GDAP1: variants seen among roughly 807,000 people sequenced by gnomAD.
The protein encoded by GDAP1 is ganglioside induced differentiation associated protein 1.
A neutral mutation model predicts 40.1 loss-of-function variants in GDAP1; 34 were observed. The observed-to-expected ratio is 0.85, with a 90% confidence interval of 0.64 to 1.13. GDAP1 has a LOEUF of 1.13. Ranked by LOEUF, GDAP1 falls within the 50% of genes most tolerant of loss-of-function variation. The pLI is 0.00. For synonymous variants in GDAP1, 170 were observed against 157.4 expected (o/e 1.08, Z -0.60); for missense variants, 374 against 433.7 (o/e 0.86, Z 1.22).
chr8:74,367,467 C>G (rs6993852), downstream of GDAP1, among the ~76,000 whole-genome samples: 27,193 of 151,774 alleles, frequency 0.18, 2,763 homozygotes, highest in Admixed American at 0.31. Flanking sequence ...CAAAGGGCAA[C>G]AATACTGAAT....
chr8:74,477,763 C>T (rs969874352), intron 2 of GDAP1, among the ~76,000 whole-genome samples: 10 of 152,150 alleles, frequency 6.6e-5, no homozygotes, highest in Non-Finnish European at 8.8e-5. Context: ...TGTCTTCATT[C>T]ACATATACCA....
At chr8:74,443,106 G>A (rs1806182213) in intron 2 of GDAP1, among the ~76,000 whole-genome samples, 1 of 152,182 alleles carries the variant, frequency 6.6e-6, no homozygotes, top group Admixed American at 6.5e-5. Flanking sequence ...TTCCCTATGT[G>A]GACTGAAGGA....
At chr8:74,463,853 G>A (rs952478558) in intron 2 of GDAP1, among the ~76,000 whole-genome samples, 1 of 152,066 alleles carries the variant, frequency 6.6e-6, no homozygotes. Context: ...AGAGTTGGCT[G>A]TATATAAGCA....
At chr8:74,419,097 A>G (rs1477476369) in intron 2 of GDAP1, among the ~76,000 whole-genome samples, 1 of 152,230 alleles carries the variant, frequency 6.6e-6, no homozygotes, top group African/African-American at 2.4e-5. Flanking sequence ...AAGATGGTGT[A>G]GTCACTCTGA....
At chr8:74,401,439 T>C (rs1187155782) in intron 2 of GDAP1, among the ~76,000 whole-genome samples, 2 of 149,956 alleles carry the variant, frequency 1.3e-5, no homozygotes, top group Non-Finnish European at 2.9e-5. Context: ...TTGGTTATTC[T>C]AGTTATACAT....
At chr8:74,474,419 G>C (rs1252119929) in intron 2 of GDAP1, among the ~76,000 whole-genome samples, 1 of 152,098 alleles carries the variant, frequency 6.6e-6, no homozygotes, top group Admixed American at 6.5e-5. Flanking sequence ...GTATGATGTT[G>C]GCTGTGGGTT....
chr8:74,352,012 T>C (rs1459354055), intron 2 of GDAP1, among the ~76,000 whole-genome samples: 1 of 152,240 alleles, frequency 6.6e-6, no homozygotes, highest in East Asian at 1.9e-4. Context: ...CAGCTTGTTA[T>C]GTGTCAGACA....
At position 74,403,691 on chromosome 8, in the gene GDAP1, A is replaced by G. The variant is rs1431557642; in HGVS notation, c.165+52370A>G. On this transcript the variant is annotated intron_variant, in intron 2 of 2. Coordinates refer to the GDAP1 transcript ENST00000523640. Reference sequence around the variant, plus strand: ...ATTTCTGACCTTGCCGGGTCTCTGTAGTGTATGTGTTAGTAACTTTTACAG... The same window carrying G: ...ATTTCTGACCTTGCCGGGTCTCTGTGGTGTATGTGTTAGTAACTTTTACAG... Among the ~76,000 whole-genome samples, 6 of 150,200 alleles carry G rather than the reference A, an allele frequency of 4.0e-5. 1 individual carries two copies. The highest frequency in any genetic ancestry group is 1.5e-4 in the African/African-American group (6 of 39,520).
intron 2 of GDAP1, among the ~76,000 whole-genome samples, chr8:74,385,112 G>A (rs1267901962): frequency 6.6e-6 from 1 of 152,062 alleles, no homozygotes; most frequent in African/African-American, 2.4e-5. Context: ...TCTGCGGTAG[G>A]AATTAGATAT....
In GDAP1 at chr8:74,365,897, T is replaced by C. The variant is rs548673182; in HGVS notation, c.*1530T>C. ...TGAGTGTGTTGTCATATGGAGTGTCTGAATCTGTTGCTGGGACATACCAAT... is the reference window on the plus strand; with the variant it reads ...TGAGTGTGTTGTCATATGGAGTGTCCGAATCTGTTGCTGGGACATACCAAT... On this transcript the variant is annotated 3_prime_UTR_variant, in exon 6 of 6. Transcript: ENST00000220822. The C allele has an allele frequency of 1.8e-4, 83 of 454,186 alleles. No individual in the cohort carries two copies. Among genetic ancestry groups the C allele is most frequent in the Non-Finnish European group, 3.1e-4 (70 of 226,786 alleles). 28.1% of individuals were successfully genotyped at this position (454,186 alleles called of 1,614,324 possible). A position where few individuals can be genotyped will look rare whatever the true frequency, so the allele number is the denominator to read the frequency against.
chr8:74,394,024 A>G (rs1810153654), intron 2 of GDAP1, among the ~76,000 whole-genome samples: 4 of 152,138 alleles, frequency 2.6e-5, no homozygotes, highest in African/African-American at 9.7e-5. Flanking sequence ...CCACTTTCAC[A>G]CTGTTGATAA....
chr8:74,445,112 C>T (rs1806211567), intron 2 of GDAP1, among the ~76,000 whole-genome samples: 1 of 152,074 alleles, frequency 6.6e-6, no homozygotes, highest in Non-Finnish European at 1.5e-5. Flanking sequence ...CATTAAGCAG[C>T]AATGAATCAT....
At position 74,477,365 on chromosome 8, in the gene GDAP1, A is replaced by G. The variant is rs182562627; in HGVS notation, c.166-11313A>G. On this transcript the variant is annotated intron_variant, in intron 2 of 2. Coordinates refer to the GDAP1 transcript ENST00000523640. ...TGCAGTTGCTTGGAGGAAAGAAGGC[A>G]CTCTGGTTTTTTGAGTTGTCAGAGT... is the stretch of plus-strand genomic sequence containing the variant. Among the ~76,000 whole-genome samples the G allele has an allele frequency of 4.4e-3, 667 of 151,670 alleles. 4 individuals carry two copies. Among genetic ancestry groups the G allele is most frequent in the African/African-American group, 0.014 (590 of 41,288 alleles).
At position 74,365,288 on chromosome 8, in the gene GDAP1, A is replaced by G. The variant is rs1441567356; in HGVS notation, c.*921A>G. 4 of 454,014 alleles carry G rather than the reference A, an allele frequency of 8.8e-6. No individual in the cohort carries two copies. Among genetic ancestry groups the G allele is most frequent in the African/African-American group, 6.0e-5 (3 of 50,020 alleles). The allele number at this position is 454,014 out of a possible 1,614,324, so 28.1% of individuals were successfully genotyped here. A position where few individuals can be genotyped will look rare whatever the true frequency, so the allele number is the denominator to read the frequency against. ...CCAGATCTTTCATCTGTTTATGATC[A>G]TCAACAAAGACTTGTTAGAAAGGTC... On this transcript the variant is annotated 3_prime_UTR_variant, in exon 6 of 6. Transcript: ENST00000220822.
At chr8:74,414,606 A>G (rs529111834) in intron 2 of GDAP1, among the ~76,000 whole-genome samples, 1 of 149,782 alleles carries the variant, frequency 6.7e-6, no homozygotes, top group East Asian at 1.9e-4. Flanking sequence ...AAATTATCCA[A>G]TTTGAACAAG....
intron 2 of GDAP1, among the ~76,000 whole-genome samples, chr8:74,396,325 T>TG (rs1322231402): frequency 2.6e-5 from 4 of 151,358 alleles, no homozygotes; most frequent in Non-Finnish European, 4.4e-5. Flanking sequence ...TATTTATTTA[T>TG]TTTTTTTACA....
intron 4 of GDAP1, among the ~76,000 whole-genome samples, chr8:74,362,737 C>G (rs538535777): frequency 7.1e-6 from 1 of 141,838 alleles, no homozygotes; most frequent in South Asian, 2.3e-4. Context: ...GCTCCTGGGT[C>G]ATTTTCACAG....
At chr8:74,383,929 A>G (rs941981091) in intron 2 of GDAP1, among the ~76,000 whole-genome samples, 1 of 152,176 alleles carries the variant, frequency 6.6e-6, no homozygotes, top group Non-Finnish European at 1.5e-5. Context: ...GTATCTAAGA[A>G]GTAAGATCGT....
intron 2 of GDAP1, among the ~76,000 whole-genome samples, chr8:74,445,255 A>G (rs151167984): frequency 3.1e-4 from 47 of 152,278 alleles, no homozygotes; most frequent in African/African-American, 1.1e-3. Flanking sequence ...GAATATATGG[A>G]CTGAATTCTT....
Sources: gnomAD v4.1 joint callset for allele counts (sites outside exome capture counted in the v4.1 genomes callset) on GRCh38, gnomAD v4.1.1 for gene constraint, MANE v1.5 for transcripts, NCBI Gene and HGNC (gene_info 2026-07-23, HGNC 2026-07-21) for gene names.